NLGN1: variants seen among roughly 807,000 people sequenced by gnomAD.
The protein encoded by NLGN1 is neuroligin-1.
Under a neutral mutation model 65.5 loss-of-function variants are expected in NLGN1, and 12 were observed. That is an observed-to-expected ratio of 0.18 (90% CI 0.12 to 0.30). The LOEUF is 0.30. Among genes scored for constraint, NLGN1 ranks in the 10% least tolerant of loss-of-function variants. The pLI is 1.00. For synonymous variants in NLGN1, 350 were observed against 359.5 expected (o/e 0.97, Z 0.30); for missense variants, 750 against 1,007.1 (o/e 0.74, Z 3.46).
chr3:173,802,893 G>T (rs185329357), intron 3 of NLGN1, among the ~76,000 whole-genome samples: 6 of 151,772 alleles, frequency 4.0e-5, no homozygotes, highest in Admixed American at 3.9e-4. Context: ...AGACTGGAGG[G>T]CAGTGGCGTG....
chr3:174,231,882 A>C (rs1441903441), intron 4 of NLGN1, among the ~76,000 whole-genome samples: 6 of 152,174 alleles, frequency 3.9e-5, no homozygotes, highest in Non-Finnish European at 8.8e-5. Flanking sequence ...TTCTAAGTCT[A>C]GGTTTTCTCC....
chr3:174,073,370 A>G (rs56145342), intron 4 of NLGN1, among the ~76,000 whole-genome samples: 4,933 of 152,294 alleles, frequency 0.032, 112 homozygotes, highest in African/African-American at 0.057. Context: ...TGAACAATAA[A>G]ATTTCAGAAT....
At chr3:173,942,142 A>ATG (rs1275579907) in intron 4 of NLGN1, among the ~76,000 whole-genome samples, 52 of 123,126 alleles carry the variant, frequency 4.2e-4, no homozygotes, top group East Asian at 3.1e-3. Context: ...GTGTGTGTGT[A>ATG]TGTGTGTGTG....
At chr3:173,783,201 T>G (rs1388712757) in intron 3 of NLGN1, among the ~76,000 whole-genome samples, 1 of 152,188 alleles carries the variant, frequency 6.6e-6, no homozygotes, top group Non-Finnish European at 1.5e-5. Flanking sequence ...TTGGTTTTTA[T>G]TGTTTGGATT....
intron 4 of NLGN1, among the ~76,000 whole-genome samples, chr3:174,199,513 A>G (rs1027754241): frequency 1.7e-4 from 26 of 151,622 alleles, no homozygotes; most frequent in African/African-American, 6.3e-4. Context: ...AGTGTGGAAG[A>G]GTTCACCTAG....
At chr3:173,424,045 G>A (rs937722523) in intron 1 of NLGN1, among the ~76,000 whole-genome samples, 5 of 152,204 alleles carry the variant, frequency 3.3e-5, no homozygotes, top group African/African-American at 1.2e-4. Flanking sequence ...TGAACACCAT[G>A]TGGAAGCTGA....
At chr3:173,728,519 C>A (rs1051044747) in intron 3 of NLGN1, among the ~76,000 whole-genome samples, 1 of 151,952 alleles carries the variant, frequency 6.6e-6, no homozygotes, top group Non-Finnish European at 1.5e-5. Context: ...TAGTGCCCCC[C>A]CTCCAACAAT....
At chr3:173,570,881 T>G (rs1010899906) in intron 2 of NLGN1, among the ~76,000 whole-genome samples, 4 of 152,182 alleles carry the variant, frequency 2.6e-5, no homozygotes, top group African/African-American at 9.6e-5. Flanking sequence ...TTTTTTGTAT[T>G]TTAGTAGAGA....
intron 1 of NLGN1, among the ~76,000 whole-genome samples, chr3:173,408,812 T>A (rs1428522073): frequency 1.3e-5 from 2 of 150,398 alleles, no homozygotes; most frequent in Non-Finnish European, 2.9e-5. Context: ...CTTGGGAGGC[T>A]GAGGCAGGAG....
At chr3:173,979,976 G>A (rs1014373394) in intron 4 of NLGN1, among the ~76,000 whole-genome samples, 1 of 152,018 alleles carries the variant, frequency 6.6e-6, no homozygotes, top group African/African-American at 2.4e-5. Context: ...AATGGTAACA[G>A]TAGCATGCAC....
At chr3:173,902,501 TAG>T (rs1309701652) in intron 4 of NLGN1, among the ~76,000 whole-genome samples, 1 of 152,162 alleles carries the variant, frequency 6.6e-6, no homozygotes, top group Non-Finnish European at 1.5e-5. Flanking sequence ...TATTCTTACG[TAG>T]AGTTTCTCTC....
chr3:174,204,567 A>G (rs113512677), intron 4 of NLGN1, among the ~76,000 whole-genome samples: 1 of 152,170 alleles, frequency 6.6e-6, no homozygotes, highest in Admixed American at 6.5e-5. Context: ...TTTTTTGATA[A>G]TAAAGTTTGG....
intron 4 of NLGN1, among the ~76,000 whole-genome samples, chr3:174,179,643 T>C (rs115733081): frequency 3.1e-4 from 47 of 152,148 alleles, no homozygotes; most frequent in African/African-American, 1.1e-3. Flanking sequence ...GAGGAAGGAG[T>C]ACAATATGTA....
intron 4 of NLGN1, among the ~76,000 whole-genome samples, chr3:174,141,279 G>GT: frequency 6.6e-6 from 1 of 152,204 alleles, no homozygotes; most frequent in Admixed American, 6.5e-5. Context: ...AAATTTATAA[G>GT]TAATTTTCCT....
chr3:173,719,595 T>C (rs1211661638), intron 3 of NLGN1, among the ~76,000 whole-genome samples: 1 of 152,052 alleles, frequency 6.6e-6, no homozygotes, highest in East Asian at 1.9e-4. Flanking sequence ...TTAAAAAGAT[T>C]TGGGAAATCT....
At chr3:173,876,931 A>G (rs1578932211) in intron 4 of NLGN1, among the ~76,000 whole-genome samples, 1 of 152,188 alleles carries the variant, frequency 6.6e-6, no homozygotes. Flanking sequence ...GAATGAGGGA[A>G]ATAGAAAATC....
At chr3:174,150,107 G>A (rs1000151514) in intron 4 of NLGN1, among the ~76,000 whole-genome samples, 1 of 152,116 alleles carries the variant, frequency 6.6e-6, no homozygotes, top group African/African-American at 2.4e-5. Flanking sequence ...AGTTACCACT[G>A]TAGAAGTTGC....
At chr3:173,977,326 T>G (rs1717718997) in intron 4 of NLGN1, among the ~76,000 whole-genome samples, 1 of 148,414 alleles carries the variant, frequency 6.7e-6, no homozygotes, top group African/African-American at 2.5e-5. Context: ...TAAATGGGAG[T>G]GGGGATGGGG....
rs543591316 is a variant in NLGN1, at chr3:173,892,737, T to A, written c.646+84905T>A. Among the ~76,000 whole-genome samples the A allele has an allele frequency of 5.9e-5, 9 of 151,622 alleles. No homozygotes were observed. The East Asian group carries it at 1.7e-3, about 29-fold the overall frequency. On this transcript the variant is annotated intron_variant, in intron 4 of 6. Transcript: ENST00000457714. ...ATCCGAGTTATGATTCAGGAGCCAC[T>A]GGGCAGGAAAATGTGAGGACACAGA... is the stretch of plus-strand genomic sequence containing the variant.
Sources: allele counts gnomAD v4.1 joint callset (sites outside exome capture counted in the v4.1 genomes callset), GRCh38; gene constraint gnomAD v4.1.1; transcripts MANE v1.5; gene names NCBI Gene and HGNC (gene_info 2026-07-23, HGNC 2026-07-21).